Variants in MYT1L observed in about 807,000 individuals in gnomAD.
MYT1L encodes the protein myelin transcription factor 1 like.
MYT1L carries 12 observed loss-of-function variants against 126.7 expected under a neutral mutation model. The ratio of observed to expected loss-of-function variants is 0.09; its 90% confidence interval spans 0.06 to 0.15. The LOEUF is 0.15. Ranked by LOEUF, MYT1L falls within the 10% of genes least tolerant of loss-of-function variation. The pLI is 1.00. For missense variants in MYT1L, 979 were observed against 1,585.2 expected (o/e 0.62, Z 6.49); for synonymous variants, 541 against 604.2 (o/e 0.90, Z 1.53).
chr2:2,067,390 T>C (rs773882998), intron 3 of MYT1L, among the ~76,000 whole-genome samples: 2 of 152,200 alleles, frequency 1.3e-5, no homozygotes, highest in Non-Finnish European at 2.9e-5. Flanking sequence ...GATGGAACTG[T>C]ATTCTCACAT....
chr2:2,154,403 A>T (rs984680363), intron 3 of MYT1L, among the ~76,000 whole-genome samples: 6 of 152,248 alleles, frequency 3.9e-5, no homozygotes, highest in African/African-American at 1.4e-4. Flanking sequence ...AGCACTATTC[A>T]CAATAGCAAA....
intron 14 of MYT1L, among the ~76,000 whole-genome samples, chr2:1,893,932 G>A (rs1044450830): frequency 6.6e-6 from 1 of 152,170 alleles, no homozygotes; most frequent in African/African-American, 2.4e-5. Flanking sequence ...ACTGAGGACA[G>A]TGCCCAGGCT....
chr2:2,038,380 T>C (rs2149991820), intron 4 of MYT1L, among the ~76,000 whole-genome samples: 1 of 152,292 alleles, frequency 6.6e-6, no homozygotes, highest in South Asian at 2.1e-4. Context: ...CATCAGTGAA[T>C]GACACCATCA....
chr2:2,191,023 G>A (rs58498939), intron 2 of MYT1L, among the ~76,000 whole-genome samples: 19,878 of 152,268 alleles, frequency 0.13, 1,302 homozygotes, highest in Non-Finnish European at 0.15. Flanking sequence ...AACCTCAGGT[G>A]ATCCTCCCGC....
intron 2 of MYT1L, among the ~76,000 whole-genome samples, chr2:2,244,654 G>A (rs1435189534): frequency 6.6e-6 from 1 of 152,192 alleles, no homozygotes; most frequent in African/African-American, 2.4e-5. Flanking sequence ...GCAGGCTCCA[G>A]GAACAGAGCC....
intron 18 of MYT1L, among the ~76,000 whole-genome samples, chr2:1,880,530 T>C (rs2047399799): frequency 6.6e-6 from 1 of 152,178 alleles, no homozygotes; most frequent in Non-Finnish European, 1.5e-5. Context: ...CAGTCAGGTC[T>C]ACATGCAGCA....
chr2:1,983,794 G>A (rs1033262645), intron 5 of MYT1L, among the ~76,000 whole-genome samples: 20 of 152,154 alleles, frequency 1.3e-4, no homozygotes, highest in Non-Finnish European at 1.6e-4. Flanking sequence ...GCTCAGTCGC[G>A]TTTTCTAAGA....
At chr2:1,959,510 T>C (rs2058784761) in intron 8 of MYT1L, among the ~76,000 whole-genome samples, 1 of 152,168 alleles carries the variant, frequency 6.6e-6, no homozygotes, top group African/African-American at 2.4e-5. Context: ...ACATGAGATG[T>C]TTTCTTATGC....
chr2:1,861,512 T>A (rs941101281), intron 18 of MYT1L, among the ~76,000 whole-genome samples: 7 of 152,176 alleles, frequency 4.6e-5, no homozygotes, highest in Non-Finnish European at 8.8e-5. Flanking sequence ...TCTTTTTTTT[T>A]TTTTGTAGCC....
intron 2 of MYT1L, among the ~76,000 whole-genome samples, chr2:2,212,190 A>G (rs538415359): frequency 1.3e-4 from 20 of 151,042 alleles, no homozygotes; most frequent in South Asian, 4.2e-4. Flanking sequence ...TATTTTTCTT[A>G]TAACCTGATA....
At chr2:2,050,366 T>G (rs1343711224) in intron 4 of MYT1L, among the ~76,000 whole-genome samples, 1 of 152,178 alleles carries the variant, frequency 6.6e-6, no homozygotes, top group Non-Finnish European at 1.5e-5. Flanking sequence ...ATAGTCACCA[T>G]TCAGAACACA....
chr2:2,229,123 C>T (rs546692561), intron 2 of MYT1L, among the ~76,000 whole-genome samples: 1 of 152,272 alleles, frequency 6.6e-6, no homozygotes, highest in South Asian at 2.1e-4. Flanking sequence ...TTATATTAGG[C>T]ATTTTACATA....
intron 8 of MYT1L, among the ~76,000 whole-genome samples, chr2:1,952,701 T>TCC (rs145016470): frequency 2.9e-5 from 2 of 68,114 alleles, no homozygotes; most frequent in Admixed American, 1.6e-4. Context: ...TTCCTTCCTT[T>TCC]CTTCCTTCCC....
intron 2 of MYT1L, among the ~76,000 whole-genome samples, chr2:2,208,315 AT>A (rs1205892418): frequency 1.3e-5 from 2 of 152,342 alleles, no homozygotes; most frequent in African/African-American, 4.8e-5. Context: ...AAAGTTCGCC[AT>A]GAAATGTGGC....
chr2:2,125,801 T>A (rs548910879), intron 3 of MYT1L, among the ~76,000 whole-genome samples: 29 of 152,174 alleles, frequency 1.9e-4, no homozygotes, highest in Non-Finnish European at 3.5e-4. Context: ...ACCATTAATA[T>A]CATCAACCTA....
rs112968396 is a variant in MYT1L, at chr2:2,092,249, T to G, written c.-303-38126A>C. ...GAATATTTGGAGGTCATTGCAGGGT[T>G]GTTCGTTGGCCTAATTTCAATATGC... On this transcript the variant is annotated intron_variant, in intron 3 of 24. Coordinates refer to ENST00000647738, the MANE Select transcript of MYT1L (RefSeq NM_001303052.2). 4.1e-3 allele frequency among the ~76,000 whole-genome samples: 618 copies of G among 152,122 alleles called. 6 individuals are homozygous for G. The highest frequency in any genetic ancestry group is 0.014 in the African/African-American group (589 of 41,488).
intron 8 of MYT1L, among the ~76,000 whole-genome samples, chr2:1,955,860 T>C (rs1246289834): frequency 1.3e-5 from 2 of 152,198 alleles, no homozygotes; most frequent in Non-Finnish European, 2.9e-5. Flanking sequence ...CCATTAGAAA[T>C]ACTTGTCCAA....
chr2:2,239,486 A>C (rs1162445865), intron 2 of MYT1L, among the ~76,000 whole-genome samples: 2 of 152,214 alleles, frequency 1.3e-5, no homozygotes, highest in Non-Finnish European at 2.9e-5. Context: ...AGAGACATAT[A>C]AGCAGTTACT....
chr2:1,864,360 G>A (rs895797063), intron 18 of MYT1L, among the ~76,000 whole-genome samples: 1 of 152,140 alleles, frequency 6.6e-6, no homozygotes, highest in Non-Finnish European at 1.5e-5. Flanking sequence ...CCCTGCCATG[G>A]GTGCATCCAG....
Sources: gnomAD v4.1 joint callset for allele counts (sites outside exome capture counted in the v4.1 genomes callset) on GRCh38, gnomAD v4.1.1 for gene constraint, MANE v1.5 for transcripts, NCBI Gene and HGNC (gene_info 2026-07-23, HGNC 2026-07-21) for gene names.